The following MARCHF1 variants were observed in gnomAD, a reference collection of about 807,000 sequenced individuals.
MARCHF1 encodes membrane associated ring-CH-type finger 1.
In MARCHF1, 40 loss-of-function variants were observed where a neutral mutation model predicts 54.2. The ratio of observed to expected loss-of-function variants is 0.74; its 90% confidence interval spans 0.57 to 0.96. The LOEUF (loss-of-function observed/expected upper bound fraction) is 0.96. Among genes scored for constraint, MARCHF1 ranks in the 40% least tolerant of loss-of-function variants. MARCHF1 has a pLI of 0.00. For missense variants in MARCHF1, 586 were observed against 656.5 expected (o/e 0.89, Z 1.17); for synonymous variants, 236 against 236.3 (o/e 1.00, Z 0.01).
chr4:164,151,693 G>A (rs1013816484), intron 1 of MARCHF1, among the ~76,000 whole-genome samples: 3 of 152,064 alleles, frequency 2.0e-5, no homozygotes, highest in African/African-American at 7.2e-5. Flanking sequence ...CTGACTGCTA[G>A]CCTAAATGCT....
chr4:164,056,234 T>C (rs775331225), intron 2 of MARCHF1, among the ~76,000 whole-genome samples: 5 of 152,290 alleles, frequency 3.3e-5, no homozygotes, highest in South Asian at 2.1e-4. Flanking sequence ...CCAGGCTCAT[T>C]TTCCCTGTGT....
intron 1 of MARCHF1, among the ~76,000 whole-genome samples, chr4:164,146,178 C>T (rs1399708610): frequency 6.9e-6 from 1 of 144,156 alleles, no homozygotes; most frequent in Non-Finnish European, 1.5e-5. Context: ...AAAGAGGATA[C>T]AAACAAATGG....
chr4:164,308,856 A>G (rs960469159), intron 1 of MARCHF1, among the ~76,000 whole-genome samples: 1 of 151,960 alleles, frequency 6.6e-6, no homozygotes, highest in African/African-American at 2.4e-5. Flanking sequence ...TATTGAGTAC[A>G]AGGCTTAGTG....
intron 4 of MARCHF1, among the ~76,000 whole-genome samples, chr4:163,773,638 T>G (rs1050903577): frequency 2.6e-5 from 4 of 152,172 alleles, no homozygotes; most frequent in African/African-American, 9.7e-5. Flanking sequence ...TAAGAGATTG[T>G]GAAGTGTGAG....
In MARCHF1 at chr4:163,612,988, G is replaced by T. The variant is rs1197994385; in HGVS notation, c.293C>A (p.Pro98His). The T allele has an allele frequency of 6.5e-7, 1 of 1,527,928 alleles. No individual in the cohort carries two copies. The highest frequency in any genetic ancestry group is 1.2e-5 in the South Asian group (1 of 82,704). 94.6% of individuals were successfully genotyped at this position (1,527,928 alleles called of 1,614,324 possible). A position where few individuals can be genotyped will look rare whatever the true frequency, so the allele number is the denominator to read the frequency against. The change falls in exon 7 of 10, where the codon CCT (proline) becomes CAT (histidine). Residue 98 changes from proline to histidine, a missense_variant. By Grantham distance (77) the Pro-to-His change is moderately conservative. Coordinates refer to ENST00000514618, the MANE Select transcript of MARCHF1 (RefSeq NM_001394959.1). ...CCTAGCAGGGCTCAGCACCATGACA[G>T]GGGTGCAATACTCAAATGACTCTTC... ...MSEESFEYCT[P>H]VMVLSPARKE... is the part of the protein sequence containing the mutation.
chr4:163,547,286 ACTT>A (rs1337140262), intron 8 of MARCHF1, among the ~76,000 whole-genome samples: 4 of 152,194 alleles, frequency 2.6e-5, no homozygotes, highest in Non-Finnish European at 5.9e-5. Context: ...ACCATTCTTC[ACTT>A]CTTCTGTTAA....
chr4:164,133,506 C>T (rs1020112329), intron 1 of MARCHF1, among the ~76,000 whole-genome samples: 12 of 152,116 alleles, frequency 7.9e-5, no homozygotes, highest in African/African-American at 2.9e-4. Flanking sequence ...GAAGAAAAGT[C>T]TCATCACATT....
At chr4:164,343,125 T>C (rs1018308107) in intron 1 of MARCHF1, among the ~76,000 whole-genome samples, 1 of 152,180 alleles carries the variant, frequency 6.6e-6, no homozygotes, top group African/African-American at 2.4e-5. Flanking sequence ...AGAGAGTAGC[T>C]CTTATGTATT....
At chr4:163,540,749 C>T (rs556826077) in intron 9 of MARCHF1, among the ~76,000 whole-genome samples, 30 of 152,302 alleles carry the variant, frequency 2.0e-4, no homozygotes, top group East Asian at 1.9e-4. Context: ...AGGCTGGGTG[C>T]GGTGGCTCAC....
chr4:164,342,007 C>G (rs1729944634), intron 1 of MARCHF1, among the ~76,000 whole-genome samples: 1 of 152,006 alleles, frequency 6.6e-6, no homozygotes, highest in South Asian at 2.1e-4. Context: ...AGAATTTAAC[C>G]AAGGAGGTAA....
intron 1 of MARCHF1, among the ~76,000 whole-genome samples, chr4:164,243,747 A>G (rs1449471281): frequency 4.6e-5 from 7 of 152,234 alleles, no homozygotes; most frequent in African/African-American, 1.7e-4. Context: ...GCCTCAAAAT[A>G]AAAGGATGGA....
intron 1 of MARCHF1, among the ~76,000 whole-genome samples, chr4:164,267,561 A>C (rs1733641046): frequency 6.6e-6 from 1 of 152,156 alleles, no homozygotes; most frequent in South Asian, 2.1e-4. Flanking sequence ...AACTGAATCT[A>C]ACTAAGAACC....
intron 5 of MARCHF1, among the ~76,000 whole-genome samples, chr4:163,660,762 A>G (rs1743319892): frequency 6.6e-6 from 1 of 152,020 alleles, no homozygotes; most frequent in African/African-American, 2.4e-5. Context: ...AATTTCTTCA[A>G]TTCTCATTCA....
At chr4:164,351,998 A>T (rs1212196097) in intron 1 of MARCHF1, among the ~76,000 whole-genome samples, 1 of 139,570 alleles carries the variant, frequency 7.2e-6, no homozygotes, top group East Asian at 2.1e-4. Flanking sequence ...ATCAACTGGA[A>T]GAAAGGGTAT....
rs1478785496 is a variant in MARCHF1, at chr4:163,993,103, TG to T, written c.-247-4395del. On this transcript the variant is annotated intron_variant, in intron 2 of 9. Coordinates refer to ENST00000514618, the MANE Select transcript of MARCHF1 (RefSeq NM_001394959.1). ...AACTTGAATTTAAAGGTATTGTTAC[TG>T]GGGAAATTATGAAGCATACACTTAT... Among the ~76,000 whole-genome samples the T allele has an allele frequency of 7.2e-5, 11 of 152,204 alleles. No homozygotes were observed. The East Asian group carries it at 2.1e-3, about 29-fold the overall frequency.
chr4:164,012,144 C>A (rs546908564), intron 2 of MARCHF1, among the ~76,000 whole-genome samples: 3 of 152,286 alleles, frequency 2.0e-5, no homozygotes, highest in Non-Finnish European at 2.9e-5. Context: ...GCAGTCAGGA[C>A]ACAAGGATCA....
In MARCHF1 at chr4:163,699,020, G is replaced by A. The variant is rs935960626; in HGVS notation, c.162+1793C>T. On this transcript the variant is annotated intron_variant, in intron 5 of 9. Transcript: ENST00000514618. ...GTCATAAAAGAGGCAACTGTGTCTC[G>A]GGAAGGTAAAGTGAACATCTCAGGG... Among the ~76,000 whole-genome samples, 7 of 152,230 alleles carry A rather than the reference G, an allele frequency of 4.6e-5. No individual in the cohort carries two copies. In the South Asian group the frequency reaches 6.2e-4, roughly 14 times the overall value.
At position 163,719,880 on chromosome 4, in the gene MARCHF1, T is replaced by C. The variant is rs1366440981; in HGVS notation, c.112-19017A>G. ...TTCGCCCGCTTGTTGATGGGGTTGTTTTTTTCTTGTAAATTTGTTTGAGTT... is the reference window on the plus strand; with the variant it reads ...TTCGCCCGCTTGTTGATGGGGTTGTCTTTTTCTTGTAAATTTGTTTGAGTT... On this transcript the variant is annotated intron_variant, in intron 4 of 9. Coordinates refer to ENST00000514618, the MANE Select transcript of MARCHF1 (RefSeq NM_001394959.1). Among the ~76,000 whole-genome samples the C allele has an allele frequency of 2.0e-5, 3 of 152,166 alleles. No homozygotes were observed. The East Asian group carries it at 5.8e-4, about 29-fold the overall frequency.
intron 4 of MARCHF1, among the ~76,000 whole-genome samples, chr4:163,774,649 C>A (rs1476766103): frequency 6.6e-6 from 1 of 152,022 alleles, no homozygotes; most frequent in African/African-American, 2.4e-5. Flanking sequence ...CATGTGCCAA[C>A]AAGCCCAGCT....
Sources: allele counts gnomAD v4.1 joint callset (sites outside exome capture counted in the v4.1 genomes callset), GRCh38; gene constraint gnomAD v4.1.1; transcripts MANE v1.5; gene names NCBI Gene and HGNC (gene_info 2026-07-23, HGNC 2026-07-21).